The following NPC1 variants were observed in gnomAD, a reference collection of about 807,000 sequenced individuals.
NPC1 encodes the protein NPC intracellular cholesterol transporter 1.
NPC1 carries 85 observed loss-of-function variants against 140.4 expected under a neutral mutation model. The observed-to-expected ratio is 0.61, with a 90% CI of 0.51 to 0.72. The LOEUF is 0.72. NPC1 is among the 30% of genes least tolerant of loss of function. NPC1 has a pLI of 0.00. For missense variants in NPC1, 1,504 were observed against 1,623.8 expected (o/e 0.93, Z 1.27); for synonymous variants, 656 against 624.8 (o/e 1.05, Z -0.74).
chr18:23,535,540 C>T lies in NPC1; in HGVS notation c.3406G>A (p.Val1136Ile). The T allele has an allele frequency of 1.2e-6, 2 of 1,614,064 alleles. No individual in the cohort carries two copies. The highest frequency in any genetic ancestry group is 1.7e-6 in the Non-Finnish European group (2 of 1,179,986). ...IMCATIAMVLVNMFGVMWLWG... is the reference protein window; with the variant it reads ...IMCATIAMVLINMFGVMWLWG... ...AGCCACATAACTCCAAACATGTTGA[C>T]CAAGACCATGGCGATGGTGGCACAC... Residue 1136 changes from valine (V) to isoleucine (I), a missense_variant, in exon 22 of 25, where the codon GTC becomes ATC. By Grantham distance (29) the Val-to-Ile change is conservative. Transcript: ENST00000269228.
intron 1 of NPC1, 67 bp downstream of exon 1, chr18:23,586,220 T>G: frequency 6.7e-7 from 1 of 1,503,750 alleles, no homozygotes; most frequent in Non-Finnish European, 8.9e-7. Flanking sequence ...GCTGGGCCCG[T>G]CGCCTTCCCC....
chr18:23,565,047 AC>A (rs2059103107), intron 4 of NPC1, among the ~76,000 whole-genome samples: 1 of 152,160 alleles, frequency 6.6e-6, no homozygotes, highest in Non-Finnish European at 1.5e-5. Flanking sequence ...TTATTCCAGT[AC>A]CACTGTCTTG....
chr18:23,556,299 G>C lies in NPC1; in HGVS notation c.1270C>G (p.Pro424Ala), dbSNP rs143797098. ...CCAAAGGGTACATCAGCTCCCGAAG[G>C]GTATGGCTGGTAAATGTGTTTGTCA... ...LTDKHIYQPYPSGADVPFGPP... is the reference protein window; with the variant it reads ...LTDKHIYQPYASGADVPFGPP... Residue 424 changes from proline to alanine, a missense_variant, in exon 8 of 25, where the codon CCT (proline) becomes GCT (alanine). Physicochemically the swap from Pro to Ala is conservative, Grantham distance 27. Transcript: ENST00000269228. The C allele has an allele frequency of 1.9e-6, 3 of 1,614,076 alleles. No homozygotes were observed. The highest frequency in any genetic ancestry group is 2.5e-6 in the Non-Finnish European group (3 of 1,180,014).
chr18:23,568,093 GATAAAT>G (rs1186371628), intron 4 of NPC1, among the ~76,000 whole-genome samples: 36 of 152,042 alleles, frequency 2.4e-4, no homozygotes, highest in African/African-American at 8.7e-4. Flanking sequence ...ATTAAAATTA[GATAAAT>G]ATAATCTATT....
At chr18:23,584,655 T>C (rs1198135578) in intron 1 of NPC1, among the ~76,000 whole-genome samples, 2 of 152,166 alleles carry the variant, frequency 1.3e-5, no homozygotes, top group Non-Finnish European at 2.9e-5. Flanking sequence ...GGTCAGGATT[T>C]CGAGACCAGC....
At chr18:23,529,281 G>C (rs1427958362), downstream of NPC1, 2 of 1,612,800 alleles carry the variant, frequency 1.2e-6, no homozygotes, top group South Asian at 1.1e-5. Flanking sequence ...TGTCCTGTCA[G>C]CCTTTGTGGA....
At chr18:23,565,490 G>C (rs2059111011) in intron 4 of NPC1, among the ~76,000 whole-genome samples, 1 of 152,108 alleles carries the variant, frequency 6.6e-6, no homozygotes, top group Non-Finnish European at 1.5e-5. Flanking sequence ...CAAGTAGCTG[G>C]CATTACAAGC....
In NPC1 at chr18:23,541,445, A is replaced by G; in HGVS notation, c.2246-12T>C. ...CACGGACAATGCTCCTGTCGGGGAG[A>G]GAAGGGCTCTGCGTCACTTCTGTTT... On this transcript the variant is annotated splice_polypyrimidine_tract_variant and intron_variant, in intron 14 of 24. Transcript: ENST00000269228. 6.2e-7 allele frequency: 1 copy of G among 1,614,192 alleles called. No homozygotes were observed.
At chr18:23,575,829 A>T (rs1342478576) in intron 1 of NPC1, among the ~76,000 whole-genome samples, 2 of 149,546 alleles carry the variant, frequency 1.3e-5, no homozygotes, top group East Asian at 3.9e-4. Flanking sequence ...GCTCACGCCT[A>T]TAATCCCAGC....
intron 3 of NPC1, among the ~76,000 whole-genome samples, chr18:23,509,959 T>G (rs12954923): frequency 6.6e-6 from 1 of 151,736 alleles, no homozygotes; most frequent in East Asian, 1.9e-4. Context: ...CCACTCAGCT[T>G]TAGTCTCTTG....
At position 23,532,138 on chromosome 18, in the gene NPC1, A is replaced by G; in HGVS notation, c.*64T>C. 1.2e-6 allele frequency: 2 copies of G among 1,614,064 alleles called. No individual in the cohort carries two copies. Among genetic ancestry groups the G allele is most frequent in the Non-Finnish European group, 1.7e-6 (2 of 1,180,022 alleles). ...TTCAACTTGGCCTTGCCGATGCAGCACCCGTCCAGTGGTAAACCGACCGAC... is the reference window on the plus strand; with the variant it reads ...TTCAACTTGGCCTTGCCGATGCAGCGCCCGTCCAGTGGTAAACCGACCGAC... On this transcript the variant is annotated 3_prime_UTR_variant, in exon 25 of 25. Coordinates refer to ENST00000269228, the MANE Select transcript of NPC1 (RefSeq NM_000271.5).
At chr18:23,579,734 C>CA (rs1279920240) in intron 1 of NPC1, among the ~76,000 whole-genome samples, 10 of 152,036 alleles carry the variant, frequency 6.6e-5, no homozygotes, top group Non-Finnish European at 5.9e-5. Context: ...ACTAAAAATA[C>CA]AAAAAATTAG....
intron 14 of NPC1, among the ~76,000 whole-genome samples, chr18:23,543,027 A>T (rs1227251916): frequency 1.3e-5 from 2 of 152,148 alleles, no homozygotes; most frequent in Non-Finnish European, 2.9e-5. Context: ...AACAAAGCTT[A>T]AAAAAAGGAG....
chr18:23,521,542 T>C (rs1351506181), downstream of NPC1, among the ~76,000 whole-genome samples: 2 of 152,160 alleles, frequency 1.3e-5, no homozygotes, highest in Non-Finnish European at 2.9e-5. Context: ...CAGTCCTCCT[T>C]CTGTCTGGAG....
rs2059024411 is a variant in NPC1, at chr18:23,560,601, A to G, written c.632-121T>C. 2.8e-6 allele frequency: 3 copies of G among 1,074,072 alleles called. No homozygotes were observed. In the South Asian group the frequency reaches 4.5e-5, roughly 16 times the overall value. The allele number at this position is 1,074,072 out of a possible 1,614,324, so 66.5% of individuals were successfully genotyped here. A position where few individuals can be genotyped will look rare whatever the true frequency, so the allele number is the denominator to read the frequency against. Reference sequence around the variant, plus strand: ...TAAAACAACTGAAAGAAGAAAAAGAATTGGAGGTTTTAGTTTAATTAAATT... The same window carrying G: ...TAAAACAACTGAAAGAAGAAAAAGAGTTGGAGGTTTTAGTTTAATTAAATT... On this transcript the variant is annotated intron_variant, in intron 5 of 24. Coordinates refer to ENST00000269228, the MANE Select transcript of NPC1 (RefSeq NM_000271.5).
At chr18:23,543,397 T>G (rs1311238744) in intron 14 of NPC1, 58 bp downstream of exon 14, 1 of 909,880 alleles carries the variant, frequency 1.1e-6, no homozygotes, top group Non-Finnish European at 1.8e-6. Context: ...GGTAGCCAGC[T>G]CCTTCTTTCT....
At chr18:23,540,769 C>T (rs1300149242) in intron 16 of NPC1, among the ~76,000 whole-genome samples, 3 of 152,212 alleles carry the variant, frequency 2.0e-5, no homozygotes, top group Non-Finnish European at 2.9e-5. Flanking sequence ...GGGCAAACCA[C>T]TTCACCTCTC....
At position 23,536,670 on chromosome 18, in the gene NPC1, T is replaced by C. The variant is rs1470105472; in HGVS notation, c.3245+3A>G. On this transcript the variant is annotated splice_donor_region_variant and intron_variant, in intron 21 of 24. Transcript: ENST00000269228. ...AACCCCATTGAAAAAGGGCAGGCTT[T>C]ACCTGTAAGGAAATACTCGGTAGGC... 6.2e-7 allele frequency: 1 copy of C among 1,613,478 alleles called. No individual in the cohort carries two copies.
In NPC1 at chr18:23,531,627, G is replaced by A. The variant is rs1233030878; in HGVS notation, c.*575C>T. 1 of 1,612,352 alleles carries A rather than the reference G, an allele frequency of 6.2e-7. No homozygotes were observed. The highest frequency in any genetic ancestry group is 1.3e-5 in the African/African-American group (1 of 74,842). ...CAATTAAATCTCTTCCTTTCTAGGGGAACACTGTGAAGAACATGTTGCTTT... is the reference window on the plus strand; with the variant it reads ...CAATTAAATCTCTTCCTTTCTAGGGAAACACTGTGAAGAACATGTTGCTTT... On this transcript the variant is annotated 3_prime_UTR_variant, in exon 25 of 25. Coordinates refer to ENST00000269228, the MANE Select transcript of NPC1 (RefSeq NM_000271.5).
Sources: gnomAD v4.1 joint callset for allele counts (sites outside exome capture counted in the v4.1 genomes callset) on GRCh38, gnomAD v4.1.1 for gene constraint, MANE v1.5 for transcripts, NCBI Gene and HGNC (gene_info 2026-07-23, HGNC 2026-07-21) for gene names.